Variants in YES1 observed in about 807,000 individuals in gnomAD.
YES1 encodes the protein YES proto-oncogene 1, Src family tyrosine kinase.
YES1 carries 39 observed loss-of-function variants against 70.4 expected under a neutral mutation model. That is an observed-to-expected ratio of 0.55 (90% CI 0.43 to 0.72). The LOEUF (loss-of-function observed/expected upper bound fraction) is 0.72, where lower values mean the gene tolerates loss of function less well. Among genes scored for constraint, YES1 ranks in the 30% least tolerant of loss-of-function variants. YES1 has a pLI of 0.00. For missense variants in YES1, 495 were observed against 644.8 expected (o/e 0.77, Z 2.52); for synonymous variants, 198 against 218.6 (o/e 0.91, Z 0.83).
chr18:776,401 TCTCA>T (rs1208847097), intron 1 of YES1, among the ~76,000 whole-genome samples: 4 of 152,118 alleles, frequency 2.6e-5, no homozygotes, highest in South Asian at 4.1e-4. Context: ...TGTAGGAGTC[TCTCA>T]CTGTGATTTT....
At chr18:740,535 A>C (rs1377090356) in intron 8 of YES1, among the ~76,000 whole-genome samples, 1 of 152,238 alleles carries the variant, frequency 6.6e-6, no homozygotes, top group African/African-American at 2.4e-5. Flanking sequence ...GGACTGGTCC[A>C]GAGCTAGGGA....
chr18:771,115 A>C (rs987594871), intron 1 of YES1, among the ~76,000 whole-genome samples: 1 of 152,180 alleles, frequency 6.6e-6, no homozygotes, highest in Non-Finnish European at 1.5e-5. Context: ...CTGTAATTCC[A>C]GCACTTTGGG....
intron 1 of YES1, among the ~76,000 whole-genome samples, chr18:788,656 C>T (rs991702845): frequency 6.6e-6 from 1 of 152,180 alleles, no homozygotes; most frequent in African/African-American, 2.4e-5. Flanking sequence ...CAGTGGCTCA[C>T]GCCTGTAATC....
intron 1 of YES1, among the ~76,000 whole-genome samples, chr18:811,193 TAATA>T (rs560509705): frequency 1.5e-3 from 227 of 152,326 alleles, no homozygotes; most frequent in African/African-American, 5.1e-3. Flanking sequence ...CGTATATACA[TAATA>T]AATGGACATA....
intron 1 of YES1, among the ~76,000 whole-genome samples, chr18:772,516 T>G (rs1166080802): frequency 6.6e-6 from 1 of 152,098 alleles, no homozygotes; most frequent in Non-Finnish European, 1.5e-5. Flanking sequence ...CACTGCAACC[T>G]CCGCCTCCTG....
chr18:760,281 C>T (rs11664175), intron 1 of YES1, among the ~76,000 whole-genome samples: 50,295 of 151,818 alleles, frequency 0.33, 8,435 homozygotes, highest in East Asian at 0.43. Context: ...ACCAGCCTGG[C>T]CAACATGGTG....
intron 1 of YES1, among the ~76,000 whole-genome samples, chr18:762,112 G>C (rs1424935911): frequency 1.3e-5 from 2 of 152,168 alleles, no homozygotes; most frequent in Non-Finnish European, 2.9e-5. Context: ...CCTGAGATTG[G>C]GAGTTTGAGA....
rs940125742 is a variant in YES1 at position 722,006 on chromosome 18, CATTAAGTT to C, written c.*2410_*2417del. ...TACAGAACAATTTAAAATGAATACA[CATTAAGTT>C]AGTGTTTTATCCCTACTATACAATT... On this transcript the variant is annotated 3_prime_UTR_variant, in exon 12 of 12. Transcript: ENST00000314574. 7 of 117,982 alleles carry C rather than the reference CATTAAGTT, an allele frequency of 5.9e-5. No homozygotes were observed. Among genetic ancestry groups the C allele is most frequent in the Non-Finnish European group, 7.1e-5 (4 of 56,036 alleles). 7.3% of individuals were successfully genotyped at this position (117,982 alleles called of 1,614,324 possible). A position where few individuals can be genotyped will look rare whatever the true frequency, so the allele number is the denominator to read the frequency against.
intron 1 of YES1, among the ~76,000 whole-genome samples, chr18:763,481 G>A (rs1396198123): frequency 6.6e-6 from 1 of 152,018 alleles, no homozygotes; most frequent in Non-Finnish European, 1.5e-5. Flanking sequence ...GATTGCTTGA[G>A]CCTAGAAATT....
At chr18:768,789 G>A (rs548324675) in intron 1 of YES1, among the ~76,000 whole-genome samples, 25 of 150,648 alleles carry the variant, frequency 1.7e-4, no homozygotes, top group South Asian at 1.3e-3. Flanking sequence ...TGCAACCTCC[G>A]CTTCCCAGGT....
chr18:731,454 A>T (rs1392940698), intron 11 of YES1, among the ~76,000 whole-genome samples: 1 of 152,220 alleles, frequency 6.6e-6, no homozygotes, highest in East Asian at 1.9e-4. Context: ...TTAGATCTAC[A>T]GCTGGAGGGA....
chr18:760,099 C>T, intron 1 of YES1, among the ~76,000 whole-genome samples: 1 of 152,024 alleles, frequency 6.6e-6, no homozygotes, highest in East Asian at 1.9e-4. Context: ...TTTCTTAATC[C>T]AGTCTATCAC....
chr18:744,811 C>A (rs116449434), intron 6 of YES1, among the ~76,000 whole-genome samples: 193 of 149,242 alleles, frequency 1.3e-3, no homozygotes, highest in African/African-American at 4.7e-3. Flanking sequence ...AGGCACAATC[C>A]ACATGCCTAA....
chr18:784,207 T>G (rs1295469222), intron 1 of YES1, among the ~76,000 whole-genome samples: 6 of 151,930 alleles, frequency 3.9e-5, no homozygotes, highest in Admixed American at 3.9e-4. Context: ...ATTGTTTTCA[T>G]TACAAGTTTT....
At chr18:777,281 T>A (rs34413141) in intron 1 of YES1, among the ~76,000 whole-genome samples, 31,211 of 152,176 alleles carry the variant, frequency 0.21, 3,359 homozygotes, top group East Asian at 0.32. Flanking sequence ...TATATGTATA[T>A]AAAGACATTC....
intron 1 of YES1, among the ~76,000 whole-genome samples, chr18:787,175 C>T (rs1396520835): frequency 7.6e-6 from 1 of 131,930 alleles, no homozygotes; most frequent in Non-Finnish European, 1.6e-5. Flanking sequence ...TCTCAGCTCA[C>T]TGCAACCTCC....
At chr18:760,351 T>A (rs1904524644) in intron 1 of YES1, among the ~76,000 whole-genome samples, 1 of 152,064 alleles carries the variant, frequency 6.6e-6, no homozygotes, top group African/African-American at 2.4e-5. Context: ...GCACCTGTAG[T>A]CCCCGCTACT....
chr18:808,986 A>G (rs193014296), intron 1 of YES1, among the ~76,000 whole-genome samples: 2 of 152,368 alleles, frequency 1.3e-5, no homozygotes, highest in South Asian at 2.1e-4. Context: ...TTACTGTTCT[A>G]GAAAACCGAA....
intron 1 of YES1, among the ~76,000 whole-genome samples, chr18:765,689 C>T (rs1434092727): frequency 1.3e-5 from 2 of 152,132 alleles, no homozygotes; most frequent in Admixed American, 6.6e-5. Flanking sequence ...TGAGCCACCG[C>T]ACCCGGCCAA....
Sources: gnomAD v4.1 joint callset for allele counts (sites outside exome capture counted in the v4.1 genomes callset) on GRCh38, gnomAD v4.1.1 for gene constraint, MANE v1.5 for transcripts, NCBI Gene and HGNC (gene_info 2026-07-23, HGNC 2026-07-21) for gene names.